The following MELK variants were observed in gnomAD, a reference collection of about 807,000 sequenced individuals.
MELK encodes the protein maternal embryonic leucine zipper kinase.
MELK carries 81 observed loss-of-function variants against 85.0 expected under a neutral mutation model. The ratio of observed to expected loss-of-function variants is 0.95; its 90% CI spans 0.80 to 1.15. The LOEUF (loss-of-function observed/expected upper bound fraction) is 1.15. Ranked by LOEUF, MELK falls within the 50% of genes most tolerant of loss-of-function variation. The probability of loss-of-function intolerance (pLI) is 0.00; values close to 1 mark genes in which losing one functional copy is unlikely to be tolerated. For synonymous variants in MELK, 252 were observed against 265.0 expected, an observed-to-expected ratio of 0.95 and a Z score of 0.48; for missense variants, 754 against 777.5, an observed-to-expected ratio of 0.97 and a Z score of 0.36.
At chr9:36,590,763 C>G (rs1250323503) in intron 4 of MELK, among the ~76,000 whole-genome samples, 1 of 152,186 alleles carries the variant, frequency 6.6e-6, no homozygotes, top group African/African-American at 2.4e-5. Context: ...CAGGATAGCA[C>G]TGTTTTAAAA....
intron 1 of MELK, among the ~76,000 whole-genome samples, chr9:36,580,703 G>C (rs558534907): frequency 3.4e-5 from 5 of 148,518 alleles, no homozygotes; most frequent in African/African-American, 5.0e-5. Flanking sequence ...CCATGTTTTT[G>C]TTGGCCATTT....
At position 36,583,768 on chromosome 9, in the gene MELK, A is replaced by G; in HGVS notation, c.144+56A>G. The G allele has an allele frequency of 2.4e-6, 3 of 1,232,030 alleles. 1 individual carries two copies. Among genetic ancestry groups the G allele is most frequent in the South Asian group, 2.5e-5 (2 of 78,644 alleles). The allele number at this position is 1,232,030 out of a possible 1,614,324, so 76.3% of individuals were successfully genotyped here. A position where few individuals can be genotyped will look rare whatever the true frequency, so the allele number is the denominator to read the frequency against. ...ACTTATAGATCAGTTTCGTGAATTA[A>G]AACCTGAATTGTTCTAATGTTCTAG... On this transcript the variant is annotated intron_variant, in intron 3 of 17. Coordinates refer to ENST00000298048, the MANE Select transcript of MELK (RefSeq NM_014791.4).
intron 6 of MELK, among the ~76,000 whole-genome samples, chr9:36,598,904 G>T (rs938856971): frequency 6.6e-6 from 1 of 152,310 alleles, no homozygotes; most frequent in East Asian, 1.9e-4. Flanking sequence ...GAGACCACAC[G>T]TGCATGCACA....
In MELK at chr9:36,597,302, A is replaced by G; in HGVS notation, c.474+12A>G. ...GTGCAAAACCCAAGGTAAGTGCAGA[A>G]ATAAGATGCATCTATGTTCTTTGTA... On this transcript the variant is annotated intron_variant, in intron 6 of 17. Coordinates refer to ENST00000298048, the MANE Select transcript of MELK (RefSeq NM_014791.4). The G allele has an allele frequency of 6.2e-7, 1 of 1,601,066 alleles. No individual in the cohort carries two copies. Among genetic ancestry groups the G allele is most frequent in the Non-Finnish European group, 8.6e-7 (1 of 1,168,478 alleles).
intron 12 of MELK, among the ~76,000 whole-genome samples, chr9:36,652,729 C>CAAAAA (rs745699767): frequency 4.2e-5 from 4 of 95,066 alleles, no homozygotes; most frequent in Non-Finnish European, 4.2e-5. Context: ...GACTCTGTCT[C>CAAAAA]AAAAAAAAAA....
chr9:36,599,582 G>T, intron 7 of MELK, 96 bp downstream of exon 7: 1 of 744,368 alleles, frequency 1.3e-6, no homozygotes, highest in South Asian at 2.0e-5. Context: ...GTATAATGAT[G>T]AAGTAAGAAA....
chr9:36,597,918 T>G (rs530274387), intron 6 of MELK, among the ~76,000 whole-genome samples: 24 of 152,330 alleles, frequency 1.6e-4, no homozygotes, highest in African/African-American at 5.5e-4. Context: ...GTTGGAAGCT[T>G]CCTCTGGAGT....
Position 36,607,563 on chromosome 9 carries a change from T to A in MELK, c.568-12T>A, listed in dbSNP as rs749290446. ...TGTTTCAGTAATTTTTCTTTTTCCC[T>A]CTTTCTCTCAGGCAGATGTTTGGAG... On this transcript the variant is annotated splice_polypyrimidine_tract_variant and intron_variant, in intron 7 of 17. Coordinates refer to ENST00000298048, the MANE Select transcript of MELK (RefSeq NM_014791.4). The A allele has an allele frequency of 6.3e-7, 1 of 1,591,950 alleles. No individual in the cohort carries two copies. Among genetic ancestry groups the A allele is most frequent in the Non-Finnish European group, 8.6e-7 (1 of 1,161,696 alleles).
intron 2 of MELK, among the ~76,000 whole-genome samples, chr9:36,583,028 C>T (rs1268346037): frequency 2.0e-5 from 3 of 149,562 alleles, no homozygotes; most frequent in Non-Finnish European, 4.4e-5. Context: ...GGCTGGAGTG[C>T]AGTGGTGCGA....
At chr9:36,633,723 C>G (rs1269420639) in intron 10 of MELK, among the ~76,000 whole-genome samples, 2 of 151,976 alleles carry the variant, frequency 1.3e-5, no homozygotes, top group African/African-American at 2.4e-5. Context: ...ATAAATTTAG[C>G]AAAAAGAATG....
In MELK at chr9:36,669,351, G is replaced by C; in HGVS notation, c.1450G>C (p.Val484Leu). The C allele has an allele frequency of 6.2e-7, 1 of 1,609,534 alleles. No individual in the cohort carries two copies. Among genetic ancestry groups the C allele is most frequent in the South Asian group, 1.1e-5 (1 of 89,944 alleles). ...CLKETPIKIP[V>L]NSTGTDKLMT... ...GAAAGAAACTCCAATTAAAATACCAGTAAATTCAACAGGAACAGACAAGTT... is the reference window on the plus strand; with the variant it reads ...GAAAGAAACTCCAATTAAAATACCACTAAATTCAACAGGAACAGACAAGTT... The change falls in exon 15 of 18, where the codon GTA becomes CTA. Residue 484 changes from valine (V) to leucine (L), a missense_variant. Physicochemically the swap from Val to Leu is conservative, Grantham distance 32. Coordinates refer to ENST00000298048, the MANE Select transcript of MELK (RefSeq NM_014791.4).
chr9:36,635,252 A>G (rs1350720177), intron 10 of MELK, among the ~76,000 whole-genome samples: 1 of 150,818 alleles, frequency 6.6e-6, no homozygotes, highest in Non-Finnish European at 1.5e-5. Flanking sequence ...CCAGCAATTT[A>G]TTTATTTAAT....
intron 7 of MELK, among the ~76,000 whole-genome samples, chr9:36,606,652 CAT>C (rs541184767): frequency 0.02 from 2,879 of 145,476 alleles, 97 homozygotes; most frequent in African/African-American, 0.063. Context: ...TATATGGACA[CAT>C]ATGTATATGT....
At chr9:36,584,534 T>C (rs2135120540) in intron 3 of MELK, among the ~76,000 whole-genome samples, 1 of 136,546 alleles carries the variant, frequency 7.3e-6, no homozygotes, top group Non-Finnish European at 1.6e-5. Flanking sequence ...GGGATTTCAC[T>C]ATGTTAGCCA....
Position 36,651,748 on chromosome 9 carries a change from G to A in MELK, c.924G>A (p.Trp308Ter). The A allele has an allele frequency of 3.7e-6, 6 of 1,610,768 alleles. No individual in the cohort carries two copies. The highest frequency in any genetic ancestry group is 5.1e-6 in the Non-Finnish European group (6 of 1,178,422). Reference protein sequence around the residue: ...RQTMEDLISLWQYDHLTATYL... With the variant: ...RQTMEDLISL The stretch of plus-strand genomic sequence containing the variant: ...AACTTGATTTTCTTTTCCTTTAGTG[G>A]CAGTATGATCACCTCACGGCTACCT... The change falls in exon 12 of 18, where the codon TGG becomes TGA. Residue 308 changes from tryptophan to a stop codon, truncating the protein, a stop_gained and splice_region_variant. Coordinates refer to ENST00000298048, the MANE Select transcript of MELK (RefSeq NM_014791.4). LOFTEE classifies it high-confidence loss of function.
At position 36,594,728 on chromosome 9, in the gene MELK, C is replaced by T; in HGVS notation, c.362C>T (p.Ala121Val). The change falls in exon 5 of 18, where the codon GCT (alanine) becomes GTT (valine). Residue 121 changes from alanine (A) to valine (V), a missense_variant. Ala to Val is a moderately conservative substitution (Grantham distance 64). Transcript: ENST00000298048. The stretch of plus-strand genomic sequence containing the variant: ...TTCCGTCAGATAGTATCTGCTGTTG[C>T]TTATGTGCACAGCCAGGGCTATGCT... ...VVFRQIVSAV[A>V]YVHSQGYAHR... 1 of 1,614,084 alleles carries T rather than the reference C, an allele frequency of 6.2e-7. No individual in the cohort carries two copies. Among genetic ancestry groups the T allele is most frequent in the Non-Finnish European group, 8.5e-7 (1 of 1,180,012 alleles).
At chr9:36,610,636 T>C (rs570031777) in intron 8 of MELK, among the ~76,000 whole-genome samples, 1 of 152,208 alleles carries the variant, frequency 6.6e-6, no homozygotes, top group Non-Finnish European at 1.5e-5. Context: ...CTTTGCTGGG[T>C]AGCACTCGTT....
chr9:36,614,048 A>C (rs979073691), intron 8 of MELK, among the ~76,000 whole-genome samples: 1 of 151,890 alleles, frequency 6.6e-6, no homozygotes, highest in Non-Finnish European at 1.5e-5. Flanking sequence ...AATGATTCAG[A>C]TAAGAGATGG....
intron 12 of MELK, among the ~76,000 whole-genome samples, chr9:36,653,784 TA>T (rs368916467): frequency 7.3e-4 from 108 of 147,440 alleles, no homozygotes; most frequent in Middle Eastern, 3.5e-3. Context: ...CTCAAAACTG[TA>T]AAAAAAAAAC....
Sources: allele counts gnomAD v4.1 joint callset (sites outside exome capture counted in the v4.1 genomes callset), GRCh38; gene constraint gnomAD v4.1.1; transcripts MANE v1.5; gene names NCBI Gene and HGNC (gene_info 2026-07-23, HGNC 2026-07-21).